Variants in HTR7 observed in about 807,000 individuals in gnomAD.
HTR7 encodes 5-HT-7.
In HTR7, 16 loss-of-function variants were observed where a neutral mutation model predicts 34.0. That is an observed-to-expected ratio of 0.47 (90% CI 0.32 to 0.71). The LOEUF (loss-of-function observed/expected upper bound fraction) is 0.71, where lower values mean the gene tolerates loss of function less well. HTR7 is among the 30% of genes least tolerant of loss of function. The pLI is 0.04. For missense variants in HTR7, 504 were observed against 625.5 expected (o/e 0.81, Z 2.07); for synonymous variants, 265 against 260.2 (o/e 1.02, Z -0.18).
In HTR7 at chr10:90,857,273, C is replaced by A. The variant is rs778287476; in HGVS notation, c.399G>T (p.Ala133=). The change falls in exon 1 of 4, where the codon GCG becomes GCT. Residue 133 remains alanine (A), a synonymous_variant. Coordinates refer to ENST00000336152, the MANE Select transcript of HTR7 (RefSeq NM_019859.4). The surrounding 1 kb of genome is among the most constrained non-coding windows in gnomAD (Gnocchi z 6.5). ...LALADLSVAV[A]VMPFVSVTDL... is the part of the protein sequence containing the mutation. Reference sequence around the variant, plus strand: ...CGGTGACGCTGACGAAGGGCATGACCGCCACAGCCACCGAGAGGTCGGCCA... The same window carrying A: ...CGGTGACGCTGACGAAGGGCATGACAGCCACAGCCACCGAGAGGTCGGCCA... The A allele has an allele frequency of 4.3e-5, 70 of 1,613,256 alleles. No individual in the cohort carries two copies. Among genetic ancestry groups the A allele is most frequent in the Non-Finnish European group, 5.9e-5 (70 of 1,179,764 alleles).
At chr10:90,765,774 G>T (rs1339573886) in intron 1 of HTR7, among the ~76,000 whole-genome samples, 1 of 151,768 alleles carries the variant, frequency 6.6e-6, no homozygotes, top group Non-Finnish European at 1.5e-5. Context: ...TTTCTTCTTT[G>T]ACCCATTGGT....
intron 1 of HTR7, among the ~76,000 whole-genome samples, chr10:90,805,725 CT>C (rs1325660848): frequency 2.6e-5 from 4 of 152,290 alleles, no homozygotes; most frequent in African/African-American, 9.6e-5. Context: ...TCTGTAAGAT[CT>C]GCTTCTATGT....
chr10:90,748,634 C>T (rs1345798980), intron 2 of HTR7, among the ~76,000 whole-genome samples: 3 of 152,216 alleles, frequency 2.0e-5, no homozygotes, highest in East Asian at 1.9e-4. Flanking sequence ...TTAGTCTCAT[C>T]TACCAATCCA....
intron 1 of HTR7, among the ~76,000 whole-genome samples, chr10:90,770,138 A>G (rs1299172938): frequency 6.6e-6 from 1 of 152,200 alleles, no homozygotes; most frequent in African/African-American, 2.4e-5. Context: ...ATTCTAGCAT[A>G]CCGCACCTGC....
At chr10:90,814,221 G>T (rs1465342956) in intron 1 of HTR7, among the ~76,000 whole-genome samples, 2 of 152,198 alleles carry the variant, frequency 1.3e-5, no homozygotes, top group Admixed American at 1.3e-4. Context: ...GTAATGCCAA[G>T]TGGAGCACGC....
intron 1 of HTR7, among the ~76,000 whole-genome samples, chr10:90,797,461 T>C (rs1419617681): frequency 1.3e-5 from 2 of 152,214 alleles, no homozygotes; most frequent in African/African-American, 2.4e-5. Context: ...ATAATCTAAA[T>C]GAAAAACTAT....
intron 1 of HTR7, among the ~76,000 whole-genome samples, chr10:90,768,821 C>T (rs1845063418): frequency 6.6e-6 from 1 of 151,866 alleles, no homozygotes; most frequent in Non-Finnish European, 1.5e-5. Context: ...TGAGAAAGAT[C>T]AAACATAAAG....
intron 1 of HTR7, among the ~76,000 whole-genome samples, chr10:90,850,041 A>C (rs1039230074): frequency 5.3e-5 from 8 of 152,260 alleles, no homozygotes; most frequent in African/African-American, 1.9e-4. Context: ...AGAGTTGCTA[A>C]TAAGGGGCAA....
At chr10:90,830,511 G>C (rs1248604141) in intron 1 of HTR7, among the ~76,000 whole-genome samples, 1 of 152,180 alleles carries the variant, frequency 6.6e-6, no homozygotes, top group South Asian at 2.1e-4. Flanking sequence ...GGCCAGCCAG[G>C]CGCAGTGGCT....
intron 1 of HTR7, among the ~76,000 whole-genome samples, chr10:90,780,536 C>CAAAAA (rs57590024): frequency 4.2e-5 from 3 of 70,970 alleles, no homozygotes; most frequent in Non-Finnish European, 6.0e-5. Flanking sequence ...GACTCCATCT[C>CAAAAA]AAAAAAAAAA....
chr10:90,839,337 C>A (rs184041555), intron 1 of HTR7, among the ~76,000 whole-genome samples: 1 of 152,236 alleles, frequency 6.6e-6, no homozygotes, highest in East Asian at 1.9e-4. Flanking sequence ...GCAACTGGAC[C>A]AGATTGATTA....
rs1308828281 is a variant in HTR7 at position 90,858,014 on chromosome 10, C to A, written c.-343G>T. On this transcript the variant is annotated 5_prime_UTR_variant, in exon 1 of 4. Transcript: ENST00000336152. ...CTCGGCTGCGCCGAGAGCGCCCGGG[C>A]GGCAGCGGCAGAAGTTGCGGAGTGC... 6.7e-6 allele frequency among the ~76,000 whole-genome samples: 1 copy of A among 149,614 alleles called. No homozygotes were observed. The highest frequency in any genetic ancestry group is 1.5e-5 in the Non-Finnish European group (1 of 67,148).
At chr10:90,834,009 T>C (rs1846216771) in intron 1 of HTR7, among the ~76,000 whole-genome samples, 1 of 152,208 alleles carries the variant, frequency 6.6e-6, no homozygotes, top group South Asian at 2.1e-4. Flanking sequence ...TATCTATAGG[T>C]ACACTAAGAA....
intron 1 of HTR7, among the ~76,000 whole-genome samples, chr10:90,850,734 T>G (rs1460882323): frequency 1.3e-5 from 2 of 152,210 alleles, no homozygotes; most frequent in Non-Finnish European, 2.9e-5. Context: ...AAAATACTAT[T>G]ATGGAAATTA....
At chr10:90,763,182 AT>A (rs1844967116) in intron 1 of HTR7, among the ~76,000 whole-genome samples, 1 of 152,148 alleles carries the variant, frequency 6.6e-6, no homozygotes, top group African/African-American at 2.4e-5. Flanking sequence ...TGCCATTGGA[AT>A]TTTGATAGGA....
At chr10:90,840,572 C>A (rs556205497) in intron 1 of HTR7, among the ~76,000 whole-genome samples, 1 of 152,238 alleles carries the variant, frequency 6.6e-6, no homozygotes, top group African/African-American at 2.4e-5. Flanking sequence ...CTTGTTCTTT[C>A]AACTCCTTCA....
chr10:90,791,703 C>T (rs1238547092), intron 1 of HTR7, among the ~76,000 whole-genome samples: 1 of 152,124 alleles, frequency 6.6e-6, no homozygotes, highest in African/African-American at 2.4e-5. Context: ...TTTATGATCC[C>T]TCCAAGTGTT....
chr10:90,770,029 A>C (rs1845082612), intron 1 of HTR7, among the ~76,000 whole-genome samples: 1 of 152,212 alleles, frequency 6.6e-6, no homozygotes, highest in Non-Finnish European at 1.5e-5. Context: ...CGCATCCCCA[A>C]GGCAGCTGAC....
intron 1 of HTR7, among the ~76,000 whole-genome samples, chr10:90,830,343 C>A (rs1335336535): frequency 6.6e-6 from 1 of 152,218 alleles, no homozygotes; most frequent in African/African-American, 2.4e-5. Flanking sequence ...AAACCACTTG[C>A]TTACACAGCT....
Sources: allele counts gnomAD v4.1 joint callset (sites outside exome capture counted in the v4.1 genomes callset), GRCh38; gene constraint gnomAD v4.1.1; non-coding constraint Gnocchi (gnomAD v3.1); transcripts MANE v1.5; gene names NCBI Gene and HGNC (gene_info 2026-07-23, HGNC 2026-07-21).